DAW1: variants seen among roughly 807,000 people sequenced by gnomAD.
DAW1 encodes the protein dynein assembly factor with WD repeat domains 1.
DAW1 carries 47 observed loss-of-function variants against 56.5 expected under a neutral mutation model. The observed-to-expected ratio is 0.83, with a 90% CI of 0.66 to 1.06. DAW1 has a LOEUF of 1.06. Among genes scored for constraint, DAW1 ranks in the 50% least tolerant of loss-of-function variants. The pLI, the probability that DAW1 is intolerant of heterozygous loss-of-function variation, is 0.00. For missense variants in DAW1, 505 were observed against 499.3 expected (o/e 1.01, Z -0.11); for synonymous variants, 190 against 179.0 (o/e 1.06, Z -0.49).
intron 10 of DAW1, among the ~76,000 whole-genome samples, chr2:227,913,413 A>C (rs1691875937): frequency 6.6e-6 from 1 of 152,174 alleles, no homozygotes; most frequent in Non-Finnish European, 1.5e-5. Context: ...TGTGTGTTTC[A>C]TCATGTTGAA....
intron 2 of DAW1, 66 bp from the exon 3 acceptor site, chr2:227,889,790 A>T (rs1351401239): frequency 1.5e-6 from 2 of 1,328,186 alleles, no homozygotes; most frequent in African/African-American, 1.5e-5. Context: ...TCAATTCTTC[A>T]TGTAATATAG....
chr2:227,880,652 C>T (rs780170003), intron 1 of DAW1, among the ~76,000 whole-genome samples: 4 of 152,202 alleles, frequency 2.6e-5, no homozygotes, highest in Non-Finnish European at 4.4e-5. Flanking sequence ...TCTTGCAGTT[C>T]ATTACGCAAC....
intron 7 of DAW1, 104 bp downstream of exon 7, chr2:227,903,213 A>T: frequency 6.7e-6 from 8 of 1,185,560 alleles, no homozygotes; most frequent in Non-Finnish European, 9.7e-6. Context: ...GCTGGTTTTC[A>T]AATTTTAGTG....
chr2:227,888,790 G>A (rs1322497150), intron 2 of DAW1, among the ~76,000 whole-genome samples: 1 of 151,812 alleles, frequency 6.6e-6, no homozygotes, highest in African/African-American at 2.4e-5. Flanking sequence ...ACCTTTTTTT[G>A]AACGAATATT....
intron 3 of DAW1, among the ~76,000 whole-genome samples, chr2:227,890,862 T>C (rs1691245326): frequency 6.6e-6 from 1 of 152,236 alleles, no homozygotes; most frequent in Non-Finnish European, 1.5e-5. Flanking sequence ...GTCCAATTTA[T>C]GTATATGCAT....
At chr2:227,891,076 A>T (rs1251012859) in intron 3 of DAW1, among the ~76,000 whole-genome samples, 179 bp from the exon 4 acceptor site, 2 of 152,220 alleles carry the variant, frequency 1.3e-5, no homozygotes, top group Non-Finnish European at 2.9e-5. Flanking sequence ...TGTAAAAGAA[A>T]ATGTTACAAA....
At chr2:227,893,142 C>T (rs1691312924) in intron 4 of DAW1, among the ~76,000 whole-genome samples, 1 of 151,558 alleles carries the variant, frequency 6.6e-6, no homozygotes, top group African/African-American at 2.4e-5. Flanking sequence ...CATGGTGGCG[C>T]ACCTCTAATC....
chr2:227,893,770 A>T, intron 4 of DAW1, 25 bp from the exon 5 acceptor site: 1 of 1,598,964 alleles, frequency 6.3e-7, no homozygotes, highest in Non-Finnish European at 8.5e-7. Context: ...TCTTCCCTGC[A>T]ACGTGTTTAT....
At chr2:227,894,685 A>G (rs1157673144) in intron 5 of DAW1, among the ~76,000 whole-genome samples, 1 of 152,224 alleles carries the variant, frequency 6.6e-6, no homozygotes, top group African/African-American at 2.4e-5. Context: ...AACAATACCA[A>G]GTACAACAGA....
intron 5 of DAW1, among the ~76,000 whole-genome samples, chr2:227,894,158 C>G (rs1257478952): frequency 6.6e-6 from 1 of 152,014 alleles, no homozygotes; most frequent in Non-Finnish European, 1.5e-5. Context: ...TCCTAGCACT[C>G]TGGGAGGCCG....
At chr2:227,894,676 A>G (rs187314970) in intron 5 of DAW1, among the ~76,000 whole-genome samples, 11 of 152,318 alleles carry the variant, frequency 7.2e-5, no homozygotes, top group Non-Finnish European at 1.3e-4. Context: ...ATGCTAAATA[A>G]CAATACCAAG....
At chr2:227,918,914 C>G (rs907332148) in intron 11 of DAW1, 58 bp downstream of exon 11, 2 of 1,552,114 alleles carry the variant, frequency 1.3e-6, no homozygotes, top group African/African-American at 2.7e-5. Flanking sequence ...AAGAGCAGGG[C>G]CCAGGTGCAG....
chr2:227,899,557 TA>T (rs1691489715), intron 6 of DAW1, among the ~76,000 whole-genome samples: 1 of 152,114 alleles, frequency 6.6e-6, no homozygotes, highest in Non-Finnish European at 1.5e-5. Flanking sequence ...AACAGAGACA[TA>T]AAAAGAATGT....
intron 10 of DAW1, among the ~76,000 whole-genome samples, chr2:227,909,994 T>C (rs1401008507): frequency 6.6e-6 from 1 of 152,196 alleles, no homozygotes; most frequent in Non-Finnish European, 1.5e-5. Flanking sequence ...TACCCACATA[T>C]GACATTATAC....
chr2:227,917,790 C>T (rs1213003541), intron 10 of DAW1, among the ~76,000 whole-genome samples: 2 of 151,988 alleles, frequency 1.3e-5, no homozygotes, highest in Admixed American at 1.3e-4. Context: ...TTTTTAATCA[C>T]ATTAATTCTA....
rs550598249 is a variant in DAW1 at position 227,875,654 on chromosome 2, T to A, written c.40+3925T>A. Among the ~76,000 whole-genome samples, 12 of 152,342 alleles carry A rather than the reference T, an allele frequency of 7.9e-5. No individual in the cohort carries two copies. In the South Asian group the frequency reaches 1.2e-3, roughly 16 times the overall value. On this transcript the variant is annotated intron_variant, in intron 1 of 12. Transcript: ENST00000309931. ...AAATTGTGTAAAGTGAAGACTTAGA[T>A]ATCTCCTTTCTGAGCATTTCTATCT... is the stretch of plus-strand genomic sequence containing the variant.
chr2:227,917,553 C>A (rs1251315213), intron 10 of DAW1, among the ~76,000 whole-genome samples: 2 of 146,282 alleles, frequency 1.4e-5, no homozygotes, highest in East Asian at 3.8e-4. Flanking sequence ...AGCCACTGCG[C>A]CCAGCCGATT....
At chr2:227,907,579 ACT>A (rs1691715809) in intron 10 of DAW1, among the ~76,000 whole-genome samples, 1 of 151,904 alleles carries the variant, frequency 6.6e-6, no homozygotes, top group South Asian at 2.1e-4. Flanking sequence ...ATGGAGTCTC[ACT>A]CTGTTGCCCA....
At chr2:227,885,833 T>G (rs1314521490) in intron 2 of DAW1, among the ~76,000 whole-genome samples, 1 of 152,204 alleles carries the variant, frequency 6.6e-6, no homozygotes, top group East Asian at 1.9e-4. Flanking sequence ...AGTTTTTCCC[T>G]AATTCCTTTC....
Sources: allele counts gnomAD v4.1 joint callset (sites outside exome capture counted in the v4.1 genomes callset), GRCh38; gene constraint gnomAD v4.1.1; transcripts MANE v1.5; gene names NCBI Gene and HGNC (gene_info 2026-07-23, HGNC 2026-07-21).